The following HMGB1 variants were observed in gnomAD, a reference collection of about 807,000 sequenced individuals.
HMGB1 encodes high mobility group box 1.
For synonymous variants in HMGB1, 81 were observed against 84.0 expected (o/e 0.96, Z 0.19); for missense variants, 79 against 253.5 (o/e 0.31, Z 4.67).
rs981951397 is a variant in HMGB1, at chr13:30,460,131, G to C, written c.*1226C>G. On this transcript the variant is annotated 3_prime_UTR_variant, in exon 5 of 5. Coordinates refer to ENST00000341423, the MANE Select transcript of HMGB1 (RefSeq NM_002128.7). ...CTAATGAATGAGTTTGTTTTGTAAA[G>C]AAAAATCATTCAAATAAATTGAATA... 3 of 152,462 alleles carry C rather than the reference G, an allele frequency of 2.0e-5. No homozygotes were observed. Among genetic ancestry groups the C allele is most frequent in the Non-Finnish European group, 4.4e-5 (3 of 67,974 alleles). The allele number at this position is 152,462 out of a possible 1,614,324, so 9.4% of individuals were successfully genotyped here.
chr13:30,532,061 A>T (rs1888507817), intron 1 of HMGB1, among the ~76,000 whole-genome samples: 1 of 149,734 alleles, frequency 6.7e-6, no homozygotes, highest in East Asian at 2.0e-4. Context: ...AAATCAGGCC[A>T]GGCGCAGTGG....
At chr13:30,569,039 G>C (rs1321437099) in intron 1 of HMGB1, among the ~76,000 whole-genome samples, 1 of 152,090 alleles carries the variant, frequency 6.6e-6, no homozygotes, top group East Asian at 1.9e-4. Flanking sequence ...GTTGGGCATG[G>C]TGGTGTGCAT....
rs1349657105 is a variant in HMGB1 at position 30,460,830 on chromosome 13, A to G, written c.*527T>C. Reference sequence around the variant, plus strand: ...ATAATTCATGTGATTCAAAATGGGCAAAAGCAAAAGACTAGCTTCCCCTCA... The same window carrying G: ...ATAATTCATGTGATTCAAAATGGGCGAAAGCAAAAGACTAGCTTCCCCTCA... On this transcript the variant is annotated 3_prime_UTR_variant, in exon 5 of 5. Coordinates refer to ENST00000341423, the MANE Select transcript of HMGB1 (RefSeq NM_002128.7). 6.5e-6 allele frequency: 1 copy of G among 153,248 alleles called. No homozygotes were observed. Among genetic ancestry groups the G allele is most frequent in the Non-Finnish European group, 1.5e-5 (1 of 68,578 alleles). The allele number at this position is 153,248 out of a possible 1,614,324, so 9.5% of individuals were successfully genotyped here.
chr13:30,554,563 TC>T, intron 1 of HMGB1: 1 of 778,754 alleles, frequency 1.3e-6, no homozygotes, highest in Non-Finnish European at 2.4e-6. Flanking sequence ...AAAACTTAGC[TC>T]CTGCTTTTGA....
intron 1 of HMGB1, among the ~76,000 whole-genome samples, chr13:30,519,254 G>A (rs539253914): frequency 2.0e-5 from 3 of 151,718 alleles, no homozygotes; most frequent in Non-Finnish European, 2.9e-5. Flanking sequence ...TTAGGGAGAC[G>A]TGGTGGCACA....
At chr13:30,497,530 G>A (rs1029213829) in intron 1 of HMGB1, among the ~76,000 whole-genome samples, 3 of 151,892 alleles carry the variant, frequency 2.0e-5, no homozygotes, top group Non-Finnish European at 4.4e-5. Context: ...TGGGGGCTTG[G>A]TGTACAGATT....
intron 1 of HMGB1, among the ~76,000 whole-genome samples, chr13:30,482,886 C>G (rs574948927): frequency 2.6e-5 from 4 of 151,726 alleles, no homozygotes; most frequent in African/African-American, 9.7e-5. Context: ...CTCCCGGGCT[C>G]AAGCCATCCT....
At chr13:30,593,361 C>A (rs1232785968) in intron 1 of HMGB1, among the ~76,000 whole-genome samples, 3 of 152,076 alleles carry the variant, frequency 2.0e-5, no homozygotes, top group Admixed American at 2.0e-4. Flanking sequence ...GTCAGGATAA[C>A]AAGAATTTGG....
chr13:30,512,624 C>T (rs1334161103), intron 1 of HMGB1, among the ~76,000 whole-genome samples: 1 of 152,188 alleles, frequency 6.6e-6, no homozygotes, highest in Non-Finnish European at 1.5e-5. Flanking sequence ...CATACATATG[C>T]GTGGATAATC....
chr13:30,611,817 T>C (rs1004964457), intron 1 of HMGB1, among the ~76,000 whole-genome samples: 1 of 151,558 alleles, frequency 6.6e-6, no homozygotes, highest in Non-Finnish European at 1.5e-5. Context: ...ATCTGTACCC[T>C]TTAAAACATC....
chr13:30,606,822 G>A (rs1461799568), intron 1 of HMGB1, among the ~76,000 whole-genome samples: 1 of 152,118 alleles, frequency 6.6e-6, no homozygotes, highest in Non-Finnish European at 1.5e-5. Flanking sequence ...GCATTGTCAG[G>A]TTATGTTAAA....
chr13:30,505,150 ATT>A (rs57755942), intron 1 of HMGB1, among the ~76,000 whole-genome samples: 92,596 of 147,038 alleles, frequency 0.63, 29,219 homozygotes, highest in African/African-American at 0.69. Flanking sequence ...ATATATATAT[ATT>A]TATATATTTG....
intron 1 of HMGB1, among the ~76,000 whole-genome samples, chr13:30,598,052 C>T (rs1489574709): frequency 1.3e-5 from 2 of 152,234 alleles, no homozygotes; most frequent in Non-Finnish European, 2.9e-5. Flanking sequence ...CAACTTTTTA[C>T]ATTTTTCCTT....
intron 1 of HMGB1, among the ~76,000 whole-genome samples, chr13:30,549,311 C>T (rs1869310239): frequency 6.6e-6 from 1 of 152,070 alleles, no homozygotes; most frequent in Admixed American, 6.5e-5. Flanking sequence ...AATGTCTGAC[C>T]AGATTGGGGC....
intron 1 of HMGB1, among the ~76,000 whole-genome samples, chr13:30,480,270 T>C (rs1887196500): frequency 6.6e-6 from 1 of 152,260 alleles, no homozygotes; most frequent in Non-Finnish European, 1.5e-5. Flanking sequence ...ATTCAATGAA[T>C]TCAGTCTACG....
chr13:30,613,597 T>C (rs6490471), intron 1 of HMGB1, among the ~76,000 whole-genome samples: 75,529 of 152,048 alleles, frequency 0.5, 21,481 homozygotes, highest in African/African-American at 0.78. Context: ...GGACAAAGTC[T>C]CTACACATAA....
intron 1 of HMGB1, among the ~76,000 whole-genome samples, chr13:30,583,980 G>A (rs1377732221): frequency 6.6e-6 from 1 of 151,738 alleles, no homozygotes; most frequent in African/African-American, 2.4e-5. Flanking sequence ...GCTCTGGTCT[G>A]GAGAGAGTGA....
chr13:30,483,113 C>A (rs190103228), intron 1 of HMGB1, among the ~76,000 whole-genome samples: 18 of 152,080 alleles, frequency 1.2e-4, no homozygotes, highest in Admixed American at 1.2e-3. Context: ...TATTGAGGAG[C>A]AATTGTCCTA....
intron 1 of HMGB1, among the ~76,000 whole-genome samples, chr13:30,508,897 C>T (rs1484052759): frequency 6.6e-6 from 1 of 152,188 alleles, no homozygotes; most frequent in Admixed American, 6.6e-5. Flanking sequence ...TGATCAGATA[C>T]ACCTTTCATA....
Sources: allele counts gnomAD v4.1 joint callset (sites outside exome capture counted in the v4.1 genomes callset), GRCh38; gene constraint gnomAD v4.1.1; transcripts MANE v1.5; gene names NCBI Gene and HGNC (gene_info 2026-07-23, HGNC 2026-07-21).